The following ZFPM1 variants were observed in gnomAD, a reference collection of about 807,000 sequenced individuals.
The protein encoded by ZFPM1 is zinc finger protein, FOG family member 1.
A neutral mutation model predicts 46.3 loss-of-function variants in ZFPM1; 28 were observed. The observed-to-expected ratio is 0.60, with a 90% CI of 0.45 to 0.83. The LOEUF is 0.83. ZFPM1 is among the 40% of genes least tolerant of loss of function. The pLI, the probability that ZFPM1 is intolerant of heterozygous loss-of-function variation, is 0.00. For missense variants in ZFPM1, 1,878 were observed against 1,432.4 expected (o/e 1.31, Z -5.02); for synonymous variants, 957 against 675.9 (o/e 1.42, Z -6.45).
chr16:88,491,077 G>GGTCAGGCGCTGGTGCCTTCGCC, intron 3 of ZFPM1, among the ~76,000 whole-genome samples: 1 of 144,662 alleles, frequency 6.9e-6, no homozygotes, highest in South Asian at 2.5e-4. Context: ...GTGCCTTCGC[G>GGTCAGGCGCTGGTGCCTTCGCC]GGTCCCAGTC....
At position 88,533,466 on chromosome 16, in the gene ZFPM1, A is replaced by T; in HGVS notation, c.1508A>T (p.Glu503Val). Residue 503 changes from glutamate to valine, a missense_variant, in exon 10 of 10, where the codon GAG (glutamate) becomes GTG (valine). Coordinates refer to ENST00000319555, the MANE Select transcript of ZFPM1 (RefSeq NM_153813.3). ...RSPAPARVKA[E>V]LSSPTPGSSP... ...CCCGCCCCGGCCAGGGTCAAGGCCG[A>T]GCTGTCCAGCCCCACGCCGGGCTCC... 2 of 1,430,450 alleles carry T rather than the reference A, an allele frequency of 1.4e-6. No homozygotes were observed. The highest frequency in any genetic ancestry group is 3.1e-5 in the East Asian group (1 of 32,596). 88.6% of individuals were successfully genotyped at this position (1,430,450 alleles called of 1,614,324 possible). A position where few individuals can be genotyped will look rare whatever the true frequency, so the allele number is the denominator to read the frequency against.
rs1192010927 is a variant in ZFPM1, at chr16:88,534,400, C to G, written c.2442C>G (p.Ala814=). The part of the protein sequence containing the change: ...PLPGAPAPAL[A]DYHECTACRV... ...CCGGAGCCCCGGCACCGGCGCTGGC[C>G]GACTACCACGAGTGCACGGCCTGCC... The change falls in exon 10 of 10, where the codon GCC becomes GCG. Residue 814 remains alanine, a synonymous_variant. Coordinates refer to ENST00000319555, the MANE Select transcript of ZFPM1 (RefSeq NM_153813.3). 14 of 1,477,214 alleles carry G rather than the reference C, an allele frequency of 9.5e-6. No individual in the cohort carries two copies. In the Admixed American group the frequency reaches 3.0e-4, roughly 31 times the overall value. The allele number at this position is 1,477,214 out of a possible 1,614,324, so 91.5% of individuals were successfully genotyped here.
intron 2 of ZFPM1, 141 bp from the exon 3 acceptor site, chr16:88,488,890 G>T: frequency 1.5e-6 from 2 of 1,299,086 alleles, no homozygotes. Context: ...CCCAGTGAGA[G>T]CGCACCAGGA....
chr16:88,514,251 C>T, intron 3 of ZFPM1, 136 bp from the exon 4 acceptor site: 2 of 1,429,984 alleles, frequency 1.4e-6, no homozygotes, highest in Non-Finnish European at 1.9e-6. Flanking sequence ...GGACCCAGCA[C>T]CTGCCCGGCC....
chr16:88,486,754 G>C (rs899153012), intron 2 of ZFPM1, among the ~76,000 whole-genome samples: 10 of 149,664 alleles, frequency 6.7e-5, no homozygotes, highest in Admixed American at 3.3e-4. Flanking sequence ...TGGGTGCTGG[G>C]TGCACAGTGG....
At chr16:88,520,362 G>C (rs1911738219) in intron 4 of ZFPM1, among the ~76,000 whole-genome samples, 1 of 151,694 alleles carries the variant, frequency 6.6e-6, no homozygotes, top group Admixed American at 6.6e-5. Context: ...TGAATAGATG[G>C]GTGGATGGAT....
chr16:88,526,869 C>G lies in ZFPM1; in HGVS notation c.458C>G (p.Pro153Arg). The change falls in exon 5 of 10, where the codon CCC becomes CGC. Residue 153 changes from proline to arginine, a missense_variant. Pro to Arg is a moderately radical substitution (Grantham distance 103). Transcript: ENST00000319555. Reference protein sequence around the residue: ...VDEACWLRTLPQALTEAEANT... With the variant: ...VDEACWLRTLRQALTEAEANT... ...GAGGCCTGCTGGCTGAGGACGCTGC[C>G]CCAGGCCCTGACTGAGGCCGAGGCC... 1 of 1,580,524 alleles carries G rather than the reference C, an allele frequency of 6.3e-7. No homozygotes were observed. Among genetic ancestry groups the G allele is most frequent in the Non-Finnish European group, 8.6e-7 (1 of 1,163,434 alleles).
In ZFPM1 at chr16:88,534,339, C is replaced by G; in HGVS notation, c.2381C>G (p.Pro794Arg). ...TCGCCCGGCCCCGCGGCCGACGGCC[C>G]CATCGACCTGAGCAAGAAGCCGCGG... ...ARSPGPAADGPIDLSKKPRRP... is the reference protein window; with the variant it reads ...ARSPGPAADGRIDLSKKPRRP... Residue 794 changes from proline (P) to arginine (R), a missense_variant, in exon 10 of 10, where the codon CCC (proline) becomes CGC (arginine). By Grantham distance (103) the Pro-to-Arg change is moderately radical (BLOSUM62 -2). Coordinates refer to ENST00000319555, the MANE Select transcript of ZFPM1 (RefSeq NM_153813.3). 1 of 1,388,146 alleles carries G rather than the reference C, an allele frequency of 7.2e-7. No individual in the cohort carries two copies. The highest frequency in any genetic ancestry group is 9.3e-7 in the Non-Finnish European group (1 of 1,072,236). The allele number at this position is 1,388,146 out of a possible 1,614,324, so 86.0% of individuals were successfully genotyped here. A position where few individuals can be genotyped will look rare whatever the true frequency, so the allele number is the denominator to read the frequency against.
intron 1 of ZFPM1, among the ~76,000 whole-genome samples, chr16:88,467,007 T>C (rs1263522190): frequency 6.6e-6 from 1 of 152,062 alleles, no homozygotes; most frequent in Non-Finnish European, 1.5e-5. Context: ...CGAGGGTCCC[T>C]GGGGTGGGGC....
At chr16:88,514,634 T>C in intron 4 of ZFPM1, 114 bp downstream of exon 4, 2 of 1,336,044 alleles carry the variant, frequency 1.5e-6, no homozygotes, top group Non-Finnish European at 2.0e-6. Context: ...CTTGAAGATG[T>C]GGGCCTGAGA....
At chr16:88,485,514 A>G (rs1160879655) in intron 1 of ZFPM1, among the ~76,000 whole-genome samples, 1 of 149,684 alleles carries the variant, frequency 6.7e-6, no homozygotes, top group Non-Finnish European at 1.5e-5. Flanking sequence ...ATCGCGGCTC[A>G]CTGCAGCCTC....
At chr16:88,468,403 A>G (rs1005917467) in intron 1 of ZFPM1, among the ~76,000 whole-genome samples, 2 of 152,172 alleles carry the variant, frequency 1.3e-5, no homozygotes, top group Non-Finnish European at 2.9e-5. Context: ...AGCCAAAAAT[A>G]AGAAGTCGCT....
chr16:88,494,714 G>A (rs1279858033), intron 3 of ZFPM1, among the ~76,000 whole-genome samples: 1 of 152,122 alleles, frequency 6.6e-6, no homozygotes, highest in Non-Finnish European at 1.5e-5. Context: ...AGGCAGGAGT[G>A]CGGCCCGGTC....
In ZFPM1 at chr16:88,532,111, C is replaced by T. The variant is rs774088106; in HGVS notation, c.822C>T (p.Ala274=). The T allele has an allele frequency of 3.7e-6, 6 of 1,612,428 alleles. No homozygotes were observed. The East Asian group carries it at 8.9e-5, about 24-fold the overall frequency. The change falls in exon 7 of 10, where the codon GCC becomes GCT. Residue 274 remains alanine (A), a synonymous_variant. Transcript: ENST00000319555. The part of the protein sequence containing the change: ...CASRQGTGSP[A]AAATDEKPKE... ...GCCGCCAGGGCACCGGCTCCCCGGC[C>T]GCAGCCGCCACAGACGAGAAGCCCA... is the stretch of plus-strand genomic sequence containing the variant.
rs906516968 is a variant in ZFPM1 at position 88,473,081 on chromosome 16, A to C, written c.41-12858A>C. 3.7e-4 allele frequency among the ~76,000 whole-genome samples: 57 copies of C among 152,392 alleles called. 2 individuals are homozygous for C. Among genetic ancestry groups the C allele is most frequent in the Admixed American group, 2.0e-4 (3 of 15,310 alleles). On this transcript the variant is annotated intron_variant, in intron 1 of 9. Coordinates refer to ENST00000319555, the MANE Select transcript of ZFPM1 (RefSeq NM_153813.3). ...GGGACCGGGCAGCCTCCGTTTCTGC[A>C]GCTGTGCGGTGGGAGCAGTTGCTTT... is the stretch of plus-strand genomic sequence containing the variant.
At chr16:88,519,935 G>GTGGATGGA (rs368348204) in intron 4 of ZFPM1, among the ~76,000 whole-genome samples, 3 of 149,542 alleles carry the variant, frequency 2.0e-5, no homozygotes, top group African/African-American at 7.4e-5. Flanking sequence ...AGATGGATGA[G>GTGGATGGA]TGGATGGATG....
chr16:88,501,302 G>A (rs372162102), intron 3 of ZFPM1, among the ~76,000 whole-genome samples: 42 of 117,690 alleles, frequency 3.6e-4, no homozygotes, highest in Middle Eastern at 7.8e-3. Context: ...TCCCGCAGGT[G>A]CTGGTGATGA....
chr16:88,481,840 C>T (rs531467467), intron 1 of ZFPM1, among the ~76,000 whole-genome samples: 2 of 152,296 alleles, frequency 1.3e-5, no homozygotes, highest in South Asian at 4.1e-4. Flanking sequence ...GAGCACCGCC[C>T]GTCCAGTCTT....
Position 88,468,129 on chromosome 16 carries a change from C to T in ZFPM1, c.40+14451C>T, listed in dbSNP as rs546523371. 3.0e-3 allele frequency among the ~76,000 whole-genome samples: 439 copies of T among 144,114 alleles called. 3 individuals carry two copies. The highest frequency in any genetic ancestry group is 5.8e-3 in the Non-Finnish European group (383 of 65,896). The allele number at this position is 144,114 out of a possible 152,430, so 94.5% of individuals were successfully genotyped here. Reference sequence around the variant, plus strand: ...CTGCGAGCCCACCGCCCCTCACGCACCCGCGAGCCCACTGCCCCTGACCCA... The same window carrying T: ...CTGCGAGCCCACCGCCCCTCACGCATCCGCGAGCCCACTGCCCCTGACCCA... On this transcript the variant is annotated intron_variant, in intron 1 of 9. Transcript: ENST00000319555.
Sources: allele counts gnomAD v4.1 joint callset (sites outside exome capture counted in the v4.1 genomes callset), GRCh38; gene constraint gnomAD v4.1.1; transcripts MANE v1.5; gene names NCBI Gene and HGNC (gene_info 2026-07-23, HGNC 2026-07-21).